Variants in CALN1 observed in about 807,000 individuals in gnomAD.
CALN1 encodes calcium-binding protein 8.
Under a neutral mutation model 30.6 loss-of-function variants are expected in CALN1, and 17 were observed. The ratio of observed to expected loss-of-function variants is 0.56; its 90% CI spans 0.38 to 0.83. The LOEUF (loss-of-function observed/expected upper bound fraction) is 0.83. CALN1 is among the 40% of genes least tolerant of loss of function. The probability of loss-of-function intolerance (pLI) is 0.00; values close to 1 mark genes in which losing one functional copy is unlikely to be tolerated. For synonymous variants in CALN1, 156 were observed against 131.4 expected, an observed-to-expected ratio of 1.19 and a Z score of -1.28; for missense variants, 291 against 354.9, an observed-to-expected ratio of 0.82 and a Z score of 1.45.
chr7:72,160,047 C>T (rs1787988339), intron 3 of CALN1, among the ~76,000 whole-genome samples: 1 of 152,086 alleles, frequency 6.6e-6, no homozygotes, highest in Non-Finnish European at 1.5e-5. Context: ...AAGGCAAGGG[C>T]TTGTCTGGGC....
chr7:72,238,536 C>T (rs1794624274), intron 3 of CALN1, among the ~76,000 whole-genome samples: 1 of 152,120 alleles, frequency 6.6e-6, no homozygotes, highest in East Asian at 1.9e-4. Context: ...CCACCCAAAT[C>T]TCATCTTGAA....
intron 2 of CALN1, among the ~76,000 whole-genome samples, chr7:72,319,530 C>T (rs949608263): frequency 6.6e-6 from 1 of 152,166 alleles, no homozygotes; most frequent in Non-Finnish European, 1.5e-5. Context: ...TGGGTGGGGA[C>T]ACAGCCAAAC....
intron 3 of CALN1, among the ~76,000 whole-genome samples, chr7:72,173,108 C>G (rs1789083363): frequency 6.6e-6 from 1 of 151,204 alleles, no homozygotes; most frequent in African/African-American, 2.4e-5. Flanking sequence ...ATAAATTTAA[C>G]AAGGTCATAG....
chr7:72,461,765 T>C, the CALN1 span, among the ~76,000 whole-genome samples: 1 of 152,168 alleles, frequency 6.6e-6, no homozygotes, highest in African/African-American at 2.4e-5. Context: ...CCCAGCATTT[T>C]GGGAGGCCGA....
intron 5 of CALN1, among the ~76,000 whole-genome samples, chr7:71,989,236 G>T (rs777697768): frequency 6.6e-5 from 10 of 152,102 alleles, no homozygotes; most frequent in Non-Finnish European, 1.2e-4. Flanking sequence ...TCACGAGTTC[G>T]AGAGGAGCCT....
intron 5 of CALN1, among the ~76,000 whole-genome samples, chr7:72,006,239 T>TC (rs1799766766): frequency 6.6e-6 from 1 of 152,238 alleles, no homozygotes. Context: ...GGTTAGTTTT[T>TC]CCTTTGAATT....
At chr7:72,010,344 T>G (rs1010619726) in intron 5 of CALN1, among the ~76,000 whole-genome samples, 4 of 152,144 alleles carry the variant, frequency 2.6e-5, no homozygotes, top group Admixed American at 6.5e-5. Context: ...CTTCTAGAAC[T>G]GTAAGCAATG....
chr7:71,911,088 TCTGGGA>T (rs1429762779), intron 5 of CALN1, among the ~76,000 whole-genome samples: 1 of 152,064 alleles, frequency 6.6e-6, no homozygotes, highest in Non-Finnish European at 1.5e-5. Context: ...AAAATCAAAG[TCTGGGA>T]CTAGTTAATC....
chr7:72,390,244 C>T (rs954702164), intron 2 of CALN1, among the ~76,000 whole-genome samples: 8 of 151,962 alleles, frequency 5.3e-5, no homozygotes, highest in African/African-American at 1.5e-4. Flanking sequence ...GCCTGGCCAA[C>T]GTCGTGAAAC....
the CALN1 span, among the ~76,000 whole-genome samples, chr7:72,472,668 G>A: frequency 6.6e-6 from 1 of 152,170 alleles, no homozygotes; most frequent in East Asian, 1.9e-4. Context: ...TGTAGTCTCA[G>A]CTACTCAAGA....
chr7:72,396,742 G>A (rs1015518328), intron 2 of CALN1, among the ~76,000 whole-genome samples: 2 of 152,098 alleles, frequency 1.3e-5, no homozygotes, highest in Non-Finnish European at 2.9e-5. Flanking sequence ...GAGGGAGAAG[G>A]TGACACCATT....
chr7:72,358,305 A>AC (rs1217358093), intron 2 of CALN1, among the ~76,000 whole-genome samples: 5 of 151,984 alleles, frequency 3.3e-5, no homozygotes, highest in African/African-American at 1.2e-4. Context: ...GCCTTGGATC[A>AC]CAAATTTTCA....
At chr7:71,993,253 G>A (rs1219812030) in intron 5 of CALN1, among the ~76,000 whole-genome samples, 1 of 152,098 alleles carries the variant, frequency 6.6e-6, no homozygotes, top group Non-Finnish European at 1.5e-5. Flanking sequence ...TGTTAGGTCT[G>A]TGTCTTTAGT....
At chr7:72,306,195 CCATATTTTGAAATGGTCCTG>C (rs1799637749) in intron 2 of CALN1, among the ~76,000 whole-genome samples, 1 of 152,076 alleles carries the variant, frequency 6.6e-6, no homozygotes, top group Non-Finnish European at 1.5e-5. Context: ...TGTTTCTTTG[CCATATTTTGAAATGGTCCTG>C]CAAAGCTGTC....
At chr7:72,242,226 T>C (rs574357169) in intron 3 of CALN1, among the ~76,000 whole-genome samples, 1 of 152,312 alleles carries the variant, frequency 6.6e-6, no homozygotes. Flanking sequence ...TTTTTAAGGC[T>C]GAATAATATT....
At chr7:72,097,791 G>T (rs192007059) in intron 4 of CALN1, among the ~76,000 whole-genome samples, 1 of 151,824 alleles carries the variant, frequency 6.6e-6, no homozygotes. Context: ...TCGGCTCACC[G>T]CAACCTCTGA....
In CALN1 at chr7:72,431,837, C is replaced by G. The variant is rs531145186; in HGVS notation, c.-226+15205G>C. 2.9e-4 allele frequency among the ~76,000 whole-genome samples: 40 copies of G among 138,144 alleles called. 1 individual carries two copies. In the South Asian group the frequency reaches 9.5e-3, roughly 33 times the overall value. 90.6% of individuals were successfully genotyped at this position (138,144 alleles called of 152,430 possible). ...TCCAACTGGGGCAAAAGAGTGAGAC[C>G]TCATCTCCAAAAAAAAAAAAAAAAA... On this transcript the variant is annotated intron_variant, in intron 1 of 6. Transcript: ENST00000395276.
chr7:71,848,184 G>A (rs1213817836), intron 5 of CALN1, among the ~76,000 whole-genome samples: 1 of 152,182 alleles, frequency 6.6e-6, no homozygotes, highest in African/African-American at 2.4e-5. Context: ...TTAAAGAATT[G>A]TAAAGAACTG....
At chr7:72,025,331 CA>C (rs59270838) in intron 4 of CALN1, among the ~76,000 whole-genome samples, 13,213 of 151,968 alleles carry the variant, frequency 0.087, 652 homozygotes, top group African/African-American at 0.14. Flanking sequence ...AATAATAAAA[CA>C]ATAAAATAAA....
Sources: allele counts gnomAD v4.1 joint callset (sites outside exome capture counted in the v4.1 genomes callset), GRCh38; gene constraint gnomAD v4.1.1; transcripts MANE v1.5; gene names NCBI Gene and HGNC (gene_info 2026-07-23, HGNC 2026-07-21).